NEO1: variants seen among roughly 807,000 people sequenced by gnomAD.
The protein encoded by NEO1 is neogenin 1.
In NEO1, 63 loss-of-function variants were observed where a neutral mutation model predicts 159.7. That is an observed-to-expected ratio of 0.39 (90% CI 0.32 to 0.49). NEO1 has a LOEUF of 0.49. Ranked by LOEUF, NEO1 falls within the 20% of genes least tolerant of loss-of-function variation. NEO1 has a pLI of 0.85. For missense variants in NEO1, 1,615 were observed against 1,831.0 expected, an observed-to-expected ratio of 0.88 and a Z score of 2.15; for synonymous variants, 633 against 662.0, an observed-to-expected ratio of 0.96 and a Z score of 0.67.
chr15:73,266,252 C>A, intron 15 of NEO1, 64 bp from the exon 16 acceptor site: 1 of 1,258,674 alleles, frequency 7.9e-7, no homozygotes, highest in Non-Finnish European at 1.1e-6. Context: ...TTATGCACAG[C>A]CACCCTTGAA....
chr15:73,297,847 A>G (rs977722015), intron 26 of NEO1, among the ~76,000 whole-genome samples: 1 of 152,150 alleles, frequency 6.6e-6, no homozygotes, highest in Non-Finnish European at 1.5e-5. Flanking sequence ...TGATGAGGCC[A>G]TGCACAGTCC....
At chr15:73,150,404 T>C (rs758550326) in intron 5 of NEO1, among the ~76,000 whole-genome samples, 5 of 152,146 alleles carry the variant, frequency 3.3e-5, no homozygotes, top group Non-Finnish European at 5.9e-5. Context: ...GTTTTCAACA[T>C]TTTTTTGTGT....
intron 1 of NEO1, among the ~76,000 whole-genome samples, chr15:73,092,929 C>G (rs546257923): frequency 6.6e-6 from 1 of 152,194 alleles, no homozygotes; most frequent in South Asian, 2.1e-4. Context: ...TAGTTTTTAA[C>G]CTAATGTCCT....
At chr15:73,094,392 G>C (rs1042876641) in intron 1 of NEO1, among the ~76,000 whole-genome samples, 5 of 152,144 alleles carry the variant, frequency 3.3e-5, no homozygotes, top group African/African-American at 1.2e-4. Flanking sequence ...GCTTGTATTA[G>C]TATTTCATTC....
intron 5 of NEO1, among the ~76,000 whole-genome samples, chr15:73,166,437 T>C (rs1175408501): frequency 1.3e-5 from 2 of 152,200 alleles, no homozygotes; most frequent in African/African-American, 4.8e-5. Context: ...GAAATGGAGA[T>C]GTTTATTGCA....
rs141882549 is a variant in NEO1, at chr15:73,057,145, A to G, written c.130+4340A>G. Among the ~76,000 whole-genome samples, 956 of 152,300 alleles carry G rather than the reference A, an allele frequency of 6.3e-3. 11 individuals carry two copies. The highest frequency in any genetic ancestry group is 0.022 in the African/African-American group (907 of 41,562). ...GATTGTCAGAAAAATAAAATGTAAA[A>G]TTGTTCATAAACTATAAAGTACTGT... is the stretch of plus-strand genomic sequence containing the variant. On this transcript the variant is annotated intron_variant, in intron 1 of 28. Coordinates refer to ENST00000261908, the MANE Select transcript of NEO1 (RefSeq NM_002499.4).
At chr15:73,195,568 A>G (rs1272128805) in intron 7 of NEO1, among the ~76,000 whole-genome samples, 1 of 152,190 alleles carries the variant, frequency 6.6e-6, no homozygotes. Flanking sequence ...AAATGTTACT[A>G]CTGCCTCATA....
intron 5 of NEO1, among the ~76,000 whole-genome samples, chr15:73,160,051 T>A (rs1433865464): frequency 1.3e-5 from 2 of 152,214 alleles, no homozygotes; most frequent in Non-Finnish European, 2.9e-5. Flanking sequence ...TTTTTCTTAT[T>A]AATTTGTTGG....
intron 7 of NEO1, among the ~76,000 whole-genome samples, chr15:73,189,984 T>C (rs1245875837): frequency 3.3e-5 from 5 of 152,192 alleles, no homozygotes; most frequent in Non-Finnish European, 7.4e-5. Flanking sequence ...TAAAAATATT[T>C]AACTGAACAT....
rs369828686 is a variant in NEO1 at position 73,231,408 on chromosome 15, TTGTC to T, written c.1292-4936_1292-4933del. Among the ~76,000 whole-genome samples the T allele has an allele frequency of 7.6e-4, 115 of 152,244 alleles. 1 individual carries two copies. The highest frequency in any genetic ancestry group is 2.7e-3 in the African/African-American group (111 of 41,544). On this transcript the variant is annotated intron_variant, in intron 7 of 28. Transcript: ENST00000261908. ...TAGATATCCACAGTAAGCCTGCTGTTTGTCTGGGGCCTGCTTCCTCTTGCTATAA... is the reference window on the plus strand; with the variant it reads ...TAGATATCCACAGTAAGCCTGCTGTTTGGGGCCTGCTTCCTCTTGCTATAA...
At chr15:73,108,094 A>G (rs1366226450) in intron 1 of NEO1, among the ~76,000 whole-genome samples, 1 of 152,216 alleles carries the variant, frequency 6.6e-6, no homozygotes, top group East Asian at 1.9e-4. Context: ...CAATTCTTAT[A>G]TATTTCTCAT....
In NEO1 at chr15:73,076,410, A is replaced by G. The variant is rs548261628; in HGVS notation, c.130+23605A>G. The stretch of plus-strand genomic sequence containing the variant: ...GGAGACTGAAGGACCTAAAGAAGTT[A>G]AGTAACAATGTCATATCTCTGTCCT... On this transcript the variant is annotated intron_variant, in intron 1 of 28. Transcript: ENST00000261908. 2.0e-5 allele frequency among the ~76,000 whole-genome samples: 3 copies of G among 152,326 alleles called. No individual in the cohort carries two copies. In the South Asian group the frequency reaches 6.2e-4, roughly 32 times the overall value.
chr15:73,179,729 A>T (rs1032668422), intron 7 of NEO1, among the ~76,000 whole-genome samples: 1 of 152,228 alleles, frequency 6.6e-6, no homozygotes, highest in Non-Finnish European at 1.5e-5. Context: ...TAACTGGTAC[A>T]CACTTCAAAT....
intron 14 of NEO1, among the ~76,000 whole-genome samples, chr15:73,259,958 A>C (rs973998443): frequency 1.3e-5 from 2 of 152,118 alleles, no homozygotes; most frequent in African/African-American, 4.8e-5. Context: ...GATGGTAACT[A>C]TTGAAAGGCA....
At chr15:73,137,460 A>G (rs889942691) in intron 5 of NEO1, among the ~76,000 whole-genome samples, 2 of 152,118 alleles carry the variant, frequency 1.3e-5, no homozygotes, top group African/African-American at 2.4e-5. Context: ...ATTTTTTTTG[A>G]GACAGGGTCT....
intron 1 of NEO1, among the ~76,000 whole-genome samples, chr15:73,079,252 A>T (rs1423254745): frequency 6.6e-6 from 1 of 152,232 alleles, no homozygotes; most frequent in Non-Finnish European, 1.5e-5. Context: ...TAATAGGCCC[A>T]AAATTGTGGC....
At chr15:73,107,634 A>G (rs2151551319) in intron 1 of NEO1, among the ~76,000 whole-genome samples, 1 of 152,350 alleles carries the variant, frequency 6.6e-6, no homozygotes, top group Admixed American at 6.5e-5. Flanking sequence ...TGTTGCTAAA[A>G]TGAAATGGTG....
chr15:73,167,125 T>G lies in NEO1; in HGVS notation c.1016-9278T>G, dbSNP rs2034624553. Among the ~76,000 whole-genome samples the G allele has an allele frequency of 1.1e-4, 9 of 83,570 alleles. No individual in the cohort carries two copies. The South Asian group carries it at 1.3e-3, about 12-fold the overall frequency. 54.8% of individuals were successfully genotyped at this position (83,570 alleles called of 152,430 possible). A position where few individuals can be genotyped will look rare whatever the true frequency, so the allele number is the denominator to read the frequency against. On this transcript the variant is annotated intron_variant, in intron 5 of 28. Coordinates refer to ENST00000261908, the MANE Select transcript of NEO1 (RefSeq NM_002499.4). ...GAACATCACACACCAGGGCCTGTCATGGGGTGGGGGGAGGGGGGAGGGATA... is the reference window on the plus strand; with the variant it reads ...GAACATCACACACCAGGGCCTGTCAGGGGGTGGGGGGAGGGGGGAGGGATA...
At chr15:73,239,577 T>A (rs184859675) in intron 8 of NEO1, among the ~76,000 whole-genome samples, 2 of 152,304 alleles carry the variant, frequency 1.3e-5, no homozygotes, top group East Asian at 3.9e-4. Flanking sequence ...TTTTCTGTGT[T>A]TAGACACATA....
Sources: allele counts gnomAD v4.1 joint callset (sites outside exome capture counted in the v4.1 genomes callset), GRCh38; gene constraint gnomAD v4.1.1; transcripts MANE v1.5; gene names NCBI Gene and HGNC (gene_info 2026-07-23, HGNC 2026-07-21).